ADAMTS17: variants seen among roughly 807,000 people sequenced by gnomAD.
The protein encoded by ADAMTS17 is A disintegrin and metalloproteinase with thrombospondin motifs 17.
ADAMTS17 carries 113 observed loss-of-function variants against 141.5 expected under a neutral mutation model. The ratio of observed to expected loss-of-function variants is 0.80; its 90% confidence interval spans 0.69 to 0.93. ADAMTS17 has a LOEUF of 0.93. Ranked by LOEUF, ADAMTS17 falls within the 40% of genes least tolerant of loss-of-function variation. The pLI is 0.00. For missense variants in ADAMTS17, 1,659 were observed against 1,517.9 expected, an observed-to-expected ratio of 1.09 and a Z score of -1.54; for synonymous variants, 768 against 630.6, an observed-to-expected ratio of 1.22 and a Z score of -3.27.
intron 21 of ADAMTS17, among the ~76,000 whole-genome samples, chr15:99,975,746 A>G (rs1596128684): frequency 6.6e-6 from 1 of 152,106 alleles, no homozygotes; most frequent in Non-Finnish European, 1.5e-5. Context: ...TTCCCTTCAC[A>G]TTCCTCATGC....
At chr15:100,256,715 G>C (rs113837056) in intron 6 of ADAMTS17, 1 of 152,668 alleles carries the variant, frequency 6.6e-6, no homozygotes, top group Non-Finnish European at 1.5e-5. Flanking sequence ...CTGCTATGGT[G>C]TCTCCCAGGC....
At chr15:100,157,100 C>A (rs1326426429) in intron 8 of ADAMTS17, among the ~76,000 whole-genome samples, 1 of 152,182 alleles carries the variant, frequency 6.6e-6, no homozygotes, top group Non-Finnish European at 1.5e-5. Flanking sequence ...ATGCCAGATG[C>A]TTACAAACCC....
chr15:100,284,481 A>G (rs1383311195), intron 3 of ADAMTS17, among the ~76,000 whole-genome samples: 2 of 152,140 alleles, frequency 1.3e-5, no homozygotes, highest in Non-Finnish European at 2.9e-5. Context: ...CCACAAAATG[A>G]GTGTTGAAAC....
intron 13 of ADAMTS17, among the ~76,000 whole-genome samples, chr15:100,112,907 TGAA>T (rs924579842): frequency 4.6e-5 from 7 of 152,268 alleles, no homozygotes; most frequent in African/African-American, 1.7e-4. Flanking sequence ...TCCTCTGCAG[TGAA>T]GAAGACACTC....
chr15:100,218,837 TGAAA>T (rs1405179408), intron 7 of ADAMTS17, among the ~76,000 whole-genome samples: 2 of 152,122 alleles, frequency 1.3e-5, no homozygotes, highest in Non-Finnish European at 2.9e-5. Flanking sequence ...TACGCATCAC[TGAAA>T]GATAAGCAAG....
At chr15:99,984,781 G>C (rs1189465350) in intron 20 of ADAMTS17, among the ~76,000 whole-genome samples, 1 of 152,212 alleles carries the variant, frequency 6.6e-6, no homozygotes, top group Non-Finnish European at 1.5e-5. Context: ...GCACTCCTTA[G>C]GGATGATGTC....
intron 7 of ADAMTS17, among the ~76,000 whole-genome samples, chr15:100,202,272 A>G (rs2041364490): frequency 6.6e-6 from 1 of 152,254 alleles, no homozygotes; most frequent in Non-Finnish European, 1.5e-5. Context: ...GGAGCCTTCC[A>G]ATAATTGCAT....
intron 15 of ADAMTS17, among the ~76,000 whole-genome samples, chr15:100,066,102 C>T (rs2033504241): frequency 6.6e-6 from 1 of 152,154 alleles, no homozygotes; most frequent in African/African-American, 2.4e-5. Flanking sequence ...ACATGTGCCA[C>T]ATTTTCTTTA....
intron 7 of ADAMTS17, among the ~76,000 whole-genome samples, chr15:100,210,665 A>G (rs2141713451): frequency 6.6e-6 from 1 of 152,316 alleles, no homozygotes; most frequent in East Asian, 1.9e-4. Flanking sequence ...GTCACCAACA[A>G]TTGAAAATTA....
chr15:100,081,915 T>G (rs1255341612), intron 15 of ADAMTS17, among the ~76,000 whole-genome samples: 1 of 152,226 alleles, frequency 6.6e-6, no homozygotes, highest in Non-Finnish European at 1.5e-5. Context: ...CCATCTTTTA[T>G]TTAGTTATGA....
At chr15:100,225,337 T>C (rs1251961726) in intron 7 of ADAMTS17, among the ~76,000 whole-genome samples, 2 of 152,254 alleles carry the variant, frequency 1.3e-5, no homozygotes, top group Non-Finnish European at 2.9e-5. Context: ...TGCCAGCACA[T>C]GGCTCAAACT....
intron 3 of ADAMTS17, among the ~76,000 whole-genome samples, chr15:100,299,310 G>A (rs942801695): frequency 2.0e-5 from 3 of 151,448 alleles, no homozygotes; most frequent in Non-Finnish European, 2.9e-5. Context: ...GTGTGTAACC[G>A]CCGTCAGGAC....
At chr15:100,002,774 C>G (rs1287052976) in intron 18 of ADAMTS17, among the ~76,000 whole-genome samples, 3 of 152,052 alleles carry the variant, frequency 2.0e-5, no homozygotes, top group Non-Finnish European at 4.4e-5. Context: ...GGCTGGCTGT[C>G]CTGCCTCTTC....
At chr15:100,094,785 A>C (rs1367446072) in intron 15 of ADAMTS17, among the ~76,000 whole-genome samples, 1 of 152,252 alleles carries the variant, frequency 6.6e-6, no homozygotes, top group Non-Finnish European at 1.5e-5. Flanking sequence ...TTTTGCTCCT[A>C]AATGTTGCCT....
At chr15:100,274,684 G>C (rs2044020926) in intron 4 of ADAMTS17, among the ~76,000 whole-genome samples, 1 of 152,164 alleles carries the variant, frequency 6.6e-6, no homozygotes, top group Non-Finnish European at 1.5e-5. Context: ...TTACTGATAA[G>C]GAGGGACTTA....
intron 12 of ADAMTS17, chr15:100,128,452 A>G (rs7167350): frequency 0.99 from 151,077 of 152,242 alleles, 74,972 homozygotes; most frequent in Middle Eastern, 1. Flanking sequence ...GGACGTGAAG[A>G]TGCATCAATG....
intron 7 of ADAMTS17, among the ~76,000 whole-genome samples, chr15:100,211,964 G>C (rs1300799007): frequency 2.6e-5 from 4 of 152,116 alleles, no homozygotes; most frequent in African/African-American, 9.7e-5. Context: ...GTAGAAGTCA[G>C]GAAGTGGTTA....
At chr15:100,007,075 G>A (rs1333114478) in intron 18 of ADAMTS17, among the ~76,000 whole-genome samples, 1 of 152,218 alleles carries the variant, frequency 6.6e-6, no homozygotes, top group African/African-American at 2.4e-5. Flanking sequence ...CAAGTGTGTG[G>A]TCCTCAGGGG....
intron 8 of ADAMTS17, among the ~76,000 whole-genome samples, chr15:100,164,865 C>A (rs2039885296): frequency 6.6e-6 from 1 of 152,048 alleles, no homozygotes; most frequent in African/African-American, 2.4e-5. Flanking sequence ...AAGTGGCTAC[C>A]CCCATCCAGG....
Sources: gnomAD v4.1 joint callset for allele counts (sites outside exome capture counted in the v4.1 genomes callset) on GRCh38, gnomAD v4.1.1 for gene constraint, MANE v1.5 for transcripts, NCBI Gene and HGNC (gene_info 2026-07-23, HGNC 2026-07-21) for gene names.